GRIK1: variants seen among roughly 807,000 people sequenced by gnomAD.
GRIK1 encodes the protein glutamate receptor ionotropic, kainate 1.
GRIK1 carries 69 observed loss-of-function variants against 105.7 expected under a neutral mutation model. That is an observed-to-expected ratio of 0.65 (90% CI 0.54 to 0.80). The LOEUF (loss-of-function observed/expected upper bound fraction) is 0.80, where lower values mean the gene tolerates loss of function less well. Among genes scored for constraint, GRIK1 ranks in the 30% least tolerant of loss-of-function variants. GRIK1 has a pLI of 0.00. For missense variants in GRIK1, 1,109 were observed against 1,167.3 expected (o/e 0.95, Z 0.73); for synonymous variants, 438 against 431.3 (o/e 1.02, Z -0.19).
chr21:29,696,562 G>A (rs367692257), intron 1 of GRIK1, among the ~76,000 whole-genome samples: 13 of 152,240 alleles, frequency 8.5e-5, no homozygotes, highest in Admixed American at 4.6e-4. Context: ...ACATAAGTCC[G>A]TCTTACTGCC....
chr21:29,580,447 A>G (rs989122432), intron 13 of GRIK1, among the ~76,000 whole-genome samples: 2 of 151,204 alleles, frequency 1.3e-5, no homozygotes, highest in African/African-American at 4.9e-5. Flanking sequence ...ACTTTCTTCA[A>G]CTATTTACTA....
At chr21:29,925,943 T>C (rs1201494404) in intron 1 of GRIK1, among the ~76,000 whole-genome samples, 2 of 152,212 alleles carry the variant, frequency 1.3e-5, no homozygotes, top group Admixed American at 1.3e-4. Flanking sequence ...CAAATTGTAA[T>C]GGCCGTAGAC....
chr21:29,773,274 G>A (rs148945472), intron 1 of GRIK1, among the ~76,000 whole-genome samples: 4 of 152,332 alleles, frequency 2.6e-5, no homozygotes, highest in African/African-American at 9.6e-5. Flanking sequence ...ACAGGACACA[G>A]AGGGCTGTAT....
At chr21:29,783,646 C>T (rs1601686535) in intron 1 of GRIK1, among the ~76,000 whole-genome samples, 1 of 152,044 alleles carries the variant, frequency 6.6e-6, no homozygotes, top group Non-Finnish European at 1.5e-5. Flanking sequence ...TTATATTTTT[C>T]CAGCCCCTTT....
At chr21:29,615,394 C>A (rs1268046795) in intron 7 of GRIK1, among the ~76,000 whole-genome samples, 2 of 152,142 alleles carry the variant, frequency 1.3e-5, no homozygotes, top group African/African-American at 2.4e-5. Flanking sequence ...ACTGTAACTT[C>A]TGCCTCCCAG....
chr21:29,581,876 C>T (rs2091030687), intron 12 of GRIK1, among the ~76,000 whole-genome samples: 1 of 152,156 alleles, frequency 6.6e-6, no homozygotes. Context: ...GTTCACTCAT[C>T]CCAAGTATTT....
intron 1 of GRIK1, among the ~76,000 whole-genome samples, chr21:29,877,868 A>T (rs146692548): frequency 5.3e-5 from 8 of 152,166 alleles, no homozygotes; most frequent in Non-Finnish European, 7.4e-5. Flanking sequence ...CACCTTCTCC[A>T]TGCTCCCCAA....
At chr21:29,567,113 G>A in intron 14 of GRIK1, among the ~76,000 whole-genome samples, 1 of 152,148 alleles carries the variant, frequency 6.6e-6, no homozygotes, top group South Asian at 2.1e-4. Flanking sequence ...CAGTGTTTTA[G>A]GAAGTGCAAC....
chr21:29,697,447 G>A (rs977219024), intron 1 of GRIK1, among the ~76,000 whole-genome samples: 1 of 152,078 alleles, frequency 6.6e-6, no homozygotes, highest in Non-Finnish European at 1.5e-5. Context: ...GTAGTGTGTA[G>A]GTGAACTGTT....
chr21:29,749,860 G>T (rs943911053), intron 1 of GRIK1, among the ~76,000 whole-genome samples: 3 of 152,022 alleles, frequency 2.0e-5, no homozygotes, highest in African/African-American at 7.2e-5. Context: ...AACCTAGTCC[G>T]CATATTGCAA....
chr21:29,836,431 T>G (rs973804109), intron 1 of GRIK1, among the ~76,000 whole-genome samples: 2 of 152,218 alleles, frequency 1.3e-5, no homozygotes, highest in African/African-American at 2.4e-5. Context: ...TAGCTCCTTT[T>G]ATTTCCTAAC....
chr21:29,663,507 A>G (rs2063006127), intron 4 of GRIK1, among the ~76,000 whole-genome samples: 1 of 152,202 alleles, frequency 6.6e-6, no homozygotes, highest in Non-Finnish European at 1.5e-5. Flanking sequence ...TCCTATTATG[A>G]CATCCCTGGA....
intron 16 of GRIK1, among the ~76,000 whole-genome samples, chr21:29,544,542 G>A (rs1036979437): frequency 3.3e-5 from 5 of 152,138 alleles, no homozygotes; most frequent in Admixed American, 6.5e-5. Context: ...GTTACAGCAA[G>A]TGCTTTTATA....
chr21:29,772,598 C>G (rs1300085753), intron 1 of GRIK1, among the ~76,000 whole-genome samples: 1 of 152,152 alleles, frequency 6.6e-6, no homozygotes, highest in Non-Finnish European at 1.5e-5. Flanking sequence ...CCCCCCCACC[C>G]TTTTTTGAAC....
intron 1 of GRIK1, among the ~76,000 whole-genome samples, chr21:29,831,374 C>T (rs537379520): frequency 2.6e-5 from 4 of 152,142 alleles, no homozygotes; most frequent in Admixed American, 1.3e-4. Flanking sequence ...GCTATGCCTT[C>T]TGGCAGAAAT....
chr21:29,893,862 A>G (rs139401530), intron 1 of GRIK1, among the ~76,000 whole-genome samples: 52 of 152,312 alleles, frequency 3.4e-4, no homozygotes, highest in African/African-American at 1.2e-3. Context: ...TCCAGTCATT[A>G]CAGGAGAGTC....
chr21:29,562,491 A>G (rs565608504), intron 14 of GRIK1, among the ~76,000 whole-genome samples: 114 of 152,266 alleles, frequency 7.5e-4, no homozygotes, highest in Non-Finnish European at 1.3e-3. Context: ...CCCTGTCTCT[A>G]CTGAAAAAAT....
At chr21:29,854,253 C>T (rs913763462) in intron 1 of GRIK1, among the ~76,000 whole-genome samples, 1 of 152,060 alleles carries the variant, frequency 6.6e-6, no homozygotes, top group East Asian at 1.9e-4. Context: ...CCAGCTCTCA[C>T]ATAAACTAAT....
rs925232862 is a variant in GRIK1, at chr21:29,560,281, TTCTTTC to T, written c.2356+1337_2356+1342del. On this transcript the variant is annotated intron_variant, in intron 15 of 17. Transcript: ENST00000327783. ...TACCAGGACCTTATATGATACAGTT[TTCTTTC>T]TTTCTTTCTTTCTTTCTTTCTTTCT... Among the ~76,000 whole-genome samples the T allele has an allele frequency of 1.7e-4, 7 of 40,264 alleles. No homozygotes were observed. The South Asian group carries it at 6.5e-3, about 37-fold the overall frequency. 26.4% of individuals were successfully genotyped at this position (40,264 alleles called of 152,430 possible).
Sources: allele counts gnomAD v4.1 joint callset (sites outside exome capture counted in the v4.1 genomes callset), GRCh38; gene constraint gnomAD v4.1.1; transcripts MANE v1.5; gene names NCBI Gene and HGNC (gene_info 2026-07-23, HGNC 2026-07-21).